WDR72: variants seen among roughly 807,000 people sequenced by gnomAD.
The protein encoded by WDR72 is WD repeat-containing protein 72.
Under a neutral mutation model 124.2 loss-of-function variants are expected in WDR72, and 120 were observed. The observed-to-expected ratio is 0.97, with a 90% CI of 0.83 to 1.12. The LOEUF (loss-of-function observed/expected upper bound fraction) is 1.12, where lower values mean the gene tolerates loss of function less well. WDR72 is among the 50% of genes most tolerant of loss of function. WDR72 has a pLI of 0.00. For synonymous variants in WDR72, 452 were observed against 441.7 expected (o/e 1.02, Z -0.29); for missense variants, 1,387 against 1,278.8 (o/e 1.08, Z -1.29).
At chr15:53,607,464 A>C (rs2013336503) in intron 17 of WDR72, among the ~76,000 whole-genome samples, 1 of 152,178 alleles carries the variant, frequency 6.6e-6, no homozygotes, top group East Asian at 1.9e-4. Flanking sequence ...GGAAATCCTT[A>C]TGCAGAAGAA....
chr15:53,610,658 A>C (rs2013500004), intron 16 of WDR72, among the ~76,000 whole-genome samples: 1 of 152,088 alleles, frequency 6.6e-6, no homozygotes, highest in Non-Finnish European at 1.5e-5. Flanking sequence ...CAATTTGAGA[A>C]CATAAAAGTA....
At chr15:53,713,704 C>T (rs1240202921) in intron 6 of WDR72, among the ~76,000 whole-genome samples, 3 of 151,892 alleles carry the variant, frequency 2.0e-5, no homozygotes, top group Non-Finnish European at 4.4e-5. Context: ...GTGATCCGCT[C>T]GCCTTAGCCT....
intron 1 of WDR72, among the ~76,000 whole-genome samples, chr15:53,741,467 G>T (rs1045767422): frequency 6.6e-6 from 1 of 152,038 alleles, no homozygotes; most frequent in Admixed American, 6.5e-5. Flanking sequence ...ATTTATAACC[G>T]TTATTACCAC....
chr15:53,740,145 C>T (rs1328835710), intron 1 of WDR72, among the ~76,000 whole-genome samples: 2 of 152,096 alleles, frequency 1.3e-5, no homozygotes, highest in African/African-American at 2.4e-5. Context: ...ACCTGTATTC[C>T]GGTTTTGTAT....
chr15:53,712,477 T>C (rs1361263573), intron 7 of WDR72, among the ~76,000 whole-genome samples: 1 of 151,740 alleles, frequency 6.6e-6, no homozygotes, highest in Non-Finnish European at 1.5e-5. Context: ...GCGCCTATAA[T>C]CCCAGCTACT....
chr15:53,728,737 C>A (rs2018116113), intron 2 of WDR72, among the ~76,000 whole-genome samples: 1 of 152,132 alleles, frequency 6.6e-6, no homozygotes, highest in African/African-American at 2.4e-5. Flanking sequence ...TGCCAGAAAA[C>A]CCAAGTAAAG....
chr15:53,583,204 A>G (rs1208170467), intron 18 of WDR72, among the ~76,000 whole-genome samples: 3 of 152,006 alleles, frequency 2.0e-5, no homozygotes, highest in Admixed American at 6.6e-5. Flanking sequence ...GTTCCTCTCA[A>G]TAAAGTGGGC....
upstream of WDR72, among the ~76,000 whole-genome samples, chr15:53,762,378 G>A (rs2019076304): frequency 6.6e-6 from 1 of 152,126 alleles, no homozygotes; most frequent in African/African-American, 2.4e-5. Context: ...TGCTTCCTCT[G>A]TCATTACACT....
chr15:53,676,924 CTT>C (rs544909977), intron 13 of WDR72, among the ~76,000 whole-genome samples: 12,605 of 135,392 alleles, frequency 0.093, 1,339 homozygotes, highest in African/African-American at 0.28. Flanking sequence ...GAAATTCTTG[CTT>C]TTTTTTTTTT....
chr15:53,760,016 CTTT>C (rs34013041), upstream of WDR72, among the ~76,000 whole-genome samples: 123 of 138,538 alleles, frequency 8.9e-4, 1 homozygote, highest in African/African-American at 2.7e-3. Context: ...AGGCCTCAAC[CTTT>C]TTTTTTTTTT....
intron 18 of WDR72, among the ~76,000 whole-genome samples, chr15:53,530,504 T>C (rs1892390077): frequency 6.6e-6 from 1 of 151,850 alleles, no homozygotes; most frequent in South Asian, 2.1e-4. Context: ...TTAATTTTAC[T>C]TACTGTTCAC....
chr15:53,624,075 A>G (rs2014113277), intron 14 of WDR72, among the ~76,000 whole-genome samples: 1 of 152,154 alleles, frequency 6.6e-6, no homozygotes, highest in Non-Finnish European at 1.5e-5. Context: ...TCTGGCTATA[A>G]GACATTTGTT....
intron 18 of WDR72, among the ~76,000 whole-genome samples, chr15:53,568,460 T>C: frequency 6.6e-6 from 1 of 151,926 alleles, no homozygotes; most frequent in South Asian, 2.1e-4. Flanking sequence ...AGGCAGCCTG[T>C]TCATTCAACA....
At chr15:53,662,493 G>C (rs1197546336) in intron 14 of WDR72, among the ~76,000 whole-genome samples, 1 of 152,098 alleles carries the variant, frequency 6.6e-6, no homozygotes, top group Non-Finnish European at 1.5e-5. Flanking sequence ...TCATTCTATT[G>C]TTGGAGAATA....
chr15:53,519,042 G>A (rs987346023), intron 19 of WDR72, among the ~76,000 whole-genome samples: 5 of 151,922 alleles, frequency 3.3e-5, no homozygotes, highest in African/African-American at 1.2e-4. Context: ...ATTATTTTCA[G>A]CTGAAGCTAC....
intron 13 of WDR72, among the ~76,000 whole-genome samples, chr15:53,676,106 G>A (rs1029272713): frequency 1.3e-5 from 2 of 152,066 alleles, no homozygotes; most frequent in African/African-American, 4.8e-5. Flanking sequence ...CACACCCAGT[G>A]ACCTCAAAAG....
chr15:53,733,104 G>T lies in WDR72; in HGVS notation c.46C>A (p.Pro16Thr), dbSNP rs2018250891. Residue 16 changes from proline (P) to threonine (T), a missense_variant, in exon 2 of 20, where the codon CCT (proline) becomes ACT (threonine). Coordinates refer to ENST00000360509, the MANE Select transcript of WDR72 (RefSeq NM_182758.4). ...QAVALWGQKA[P>T]PHSITAIMIT... is the part of the protein sequence containing the mutation. ...ATGATGGCAGTGATGCTGTGGGGAG[G>T]GGCCTTCTGTCCCCAGAGTGCCACT... 2 of 1,614,020 alleles carry T rather than the reference G, an allele frequency of 1.2e-6. No homozygotes were observed. Among genetic ancestry groups the T allele is most frequent in the Non-Finnish European group, 1.7e-6 (2 of 1,179,956 alleles).
Position 53,670,192 on chromosome 15 carries a change from A to G in WDR72, c.1766-4424T>C, listed in dbSNP as rs143820762. On this transcript the variant is annotated intron_variant, in intron 13 of 19. Transcript: ENST00000360509. ...TTTATTTAATATGAATTTTTATATA[A>G]TTTGTTTTAATCTTAAACTATACAA... 3.8e-3 allele frequency among the ~76,000 whole-genome samples: 575 copies of G among 152,158 alleles called. 1 individual carries two copies. Among genetic ancestry groups the G allele is most frequent in the African/African-American group, 0.013 (551 of 41,536 alleles).
rs147573333 is a variant in WDR72 at position 53,708,589 on chromosome 15, A to C, written c.954+2268T>G. 5.3e-3 allele frequency among the ~76,000 whole-genome samples: 806 copies of C among 152,230 alleles called. 51 individuals are homozygous for C. The East Asian group carries it at 0.13, about 25-fold the overall frequency. Reference sequence around the variant, plus strand: ...ATCCTGGGAATTCACCTCTCTGAACATCAGTTTCAACATGGGATCTTGGTG... The same window carrying C: ...ATCCTGGGAATTCACCTCTCTGAACCTCAGTTTCAACATGGGATCTTGGTG... On this transcript the variant is annotated intron_variant, in intron 9 of 19. Transcript: ENST00000360509.
Sources: allele counts gnomAD v4.1 joint callset (sites outside exome capture counted in the v4.1 genomes callset), GRCh38; gene constraint gnomAD v4.1.1; transcripts MANE v1.5; gene names NCBI Gene and HGNC (gene_info 2026-07-23, HGNC 2026-07-21).